CBL: variants seen among roughly 807,000 people sequenced by gnomAD.
CBL encodes Cbl proto-oncogene, also known as E3 ubiquitin-protein ligase CBL.
In CBL, 45 loss-of-function variants were observed where a neutral mutation model predicts 96.9. The ratio of observed to expected loss-of-function variants is 0.46; its 90% CI spans 0.37 to 0.60. CBL has a LOEUF of 0.60. CBL is among the 20% of genes least tolerant of loss of function. CBL has a pLI of 0.00. For missense variants in CBL, 1,024 were observed against 1,143.5 expected (o/e 0.90, Z 1.51); for synonymous variants, 420 against 426.8 (o/e 0.98, Z 0.20).
chr11:119,287,272 C>T (rs951905644), intron 11 of CBL, among the ~76,000 whole-genome samples: 6 of 152,202 alleles, frequency 3.9e-5, no homozygotes, highest in Admixed American at 2.0e-4. Context: ...ACGTGCACTG[C>T]ATGCGCGTAA....
rs751768529 is a variant in CBL at position 119,274,909 on chromosome 11, C to T, written c.825C>T (p.Asp275=). The change falls in exon 5 of 16, where the codon GAC becomes GAT. Residue 275 remains aspartate (D), a synonymous_variant. Coordinates refer to ENST00000264033, the MANE Select transcript of CBL (RefSeq NM_005188.4). ...GCTACATGGCTTTTTTGACGTATGA[C>T]GAAGTGAAAGCTCGGCTCCAGAAAT... The part of the protein sequence containing the change: ...HPGYMAFLTY[D]EVKARLQKFI... 1.2e-5 allele frequency: 20 copies of T among 1,613,902 alleles called. No individual in the cohort carries two copies. Among genetic ancestry groups the T allele is most frequent in the African/African-American group, 4.0e-5 (3 of 74,912 alleles).
At chr11:119,264,442 TTTCTC>T (rs1555228884) in intron 2 of CBL, among the ~76,000 whole-genome samples, 941 of 44,300 alleles carry the variant, frequency 0.021, 19 homozygotes, top group African/African-American at 0.038. Flanking sequence ...TCTTCTCTTC[TTTCTC>T]TTCTCTTCTC....
chr11:119,291,428 A>G (rs1950026254), intron 12 of CBL, among the ~76,000 whole-genome samples: 2 of 152,232 alleles, frequency 1.3e-5, no homozygotes, highest in South Asian at 4.1e-4. Context: ...TAAATAGGCC[A>G]GGTGTAGTGC....
At chr11:119,208,448 G>A (rs2135245973) in intron 1 of CBL, among the ~76,000 whole-genome samples, 1 of 151,386 alleles carries the variant, frequency 6.6e-6, no homozygotes, top group South Asian at 2.1e-4. Context: ...TGGAGTGCAT[G>A]GTGCGATCTC....
intron 9 of CBL, among the ~76,000 whole-genome samples, chr11:119,283,513 C>A (rs1949953894): frequency 6.6e-6 from 1 of 151,524 alleles, no homozygotes; most frequent in Non-Finnish European, 1.5e-5. Flanking sequence ...ATTCCTAAGC[C>A]TGCTATAGGC....
Position 119,297,497 on chromosome 11 carries a change from G to T in CBL, c.2251+16G>T, listed in dbSNP as rs757110378. ...AGCACCTTTGGTAAGTTGCCATTCT[G>T]CTACTTTAAAAATCATTGATATGTC... On this transcript the variant is annotated intron_variant, in intron 14 of 15. Coordinates refer to ENST00000264033, the MANE Select transcript of CBL (RefSeq NM_005188.4). The T allele has an allele frequency of 6.4e-7, 1 of 1,566,938 alleles. No individual in the cohort carries two copies. The highest frequency in any genetic ancestry group is 8.8e-7 in the Non-Finnish European group (1 of 1,138,654).
intron 2 of CBL, among the ~76,000 whole-genome samples, chr11:119,259,908 CACTT>C (rs1229819381): frequency 6.6e-6 from 1 of 152,160 alleles, no homozygotes; most frequent in Non-Finnish European, 1.5e-5. Context: ...GATTCTATCT[CACTT>C]ACCTCCACAC....
intron 2 of CBL, among the ~76,000 whole-genome samples, chr11:119,260,959 T>TTTTTA (rs57372947): frequency 6.7e-6 from 1 of 149,024 alleles, no homozygotes; most frequent in Non-Finnish European, 1.5e-5. Flanking sequence ...TTTTTTTTTT[T>TTTTTA]AATGGAGGCA....
chr11:119,234,414 G>A (rs1472399574), intron 2 of CBL, among the ~76,000 whole-genome samples: 1 of 152,134 alleles, frequency 6.6e-6, no homozygotes, highest in Non-Finnish European at 1.5e-5. Context: ...TTCAGATTTT[G>A]TAACTTTTGT....
chr11:119,264,450 CTCTTCTCTTCTCTTTTCT>C (rs1565868429), intron 2 of CBL, among the ~76,000 whole-genome samples: 137 of 121,518 alleles, frequency 1.1e-3, no homozygotes, highest in African/African-American at 3.6e-3. Context: ...TCTTTCTCTT[CTCTTCTCTTCTCTTTTCT>C]TCTTTTCTCT....
chr11:119,307,022 A>G lies in CBL; in HGVS notation c.*7241A>G, dbSNP rs1950148768. ...GCTGCATTTTAGGACTTAATATGGA[A>G]ATACCAGAGTCTGAGCTCCTCTACC... On this transcript the variant is annotated 3_prime_UTR_variant, in exon 16 of 16. Transcript: ENST00000264033. 1 of 229,390 alleles carries G rather than the reference A, an allele frequency of 4.4e-6. No homozygotes were observed. The highest frequency in any genetic ancestry group is 1.8e-4 in the South Asian group (1 of 5,486). 14.2% of individuals were successfully genotyped at this position (229,390 alleles called of 1,614,324 possible).
intron 2 of CBL, among the ~76,000 whole-genome samples, chr11:119,267,002 C>T (rs1017586712): frequency 6.6e-6 from 1 of 152,200 alleles, no homozygotes; most frequent in African/African-American, 2.4e-5. Flanking sequence ...CATGTAAACT[C>T]AAATGTCTGT....
intron 12 of CBL, among the ~76,000 whole-genome samples, chr11:119,292,484 A>G (rs1950034610): frequency 6.6e-6 from 1 of 150,376 alleles, no homozygotes. Flanking sequence ...GCAGTGGCGC[A>G]GTCTTGGCTC....
chr11:119,254,213 T>C (rs910697561), intron 2 of CBL, among the ~76,000 whole-genome samples: 4 of 152,192 alleles, frequency 2.6e-5, no homozygotes, highest in African/African-American at 9.7e-5. Flanking sequence ...CACTGAATTA[T>C]ACACTTAAAA....
At chr11:119,297,314 G>A (rs1237015818) in intron 13 of CBL, 70 bp from the exon 14 acceptor site, 3 of 1,227,628 alleles carry the variant, frequency 2.4e-6, no homozygotes, top group Non-Finnish European at 3.6e-6. Context: ...ACGAGAAGAT[G>A]AATCTTCATA....
chr11:119,232,374 C>CT, intron 1 of CBL, 74 bp from the exon 2 acceptor site: 1 of 1,533,478 alleles, frequency 6.5e-7, no homozygotes. Flanking sequence ...TATTTCATAA[C>CT]TTTCTTAAAC....
At chr11:119,209,941 G>A (rs1949303739) in intron 1 of CBL, among the ~76,000 whole-genome samples, 1 of 152,198 alleles carries the variant, frequency 6.6e-6, no homozygotes, top group Non-Finnish European at 1.5e-5. Context: ...GTTAGACAGA[G>A]CCACTGGTTT....
At chr11:119,227,611 T>A (rs560141838) in intron 1 of CBL, among the ~76,000 whole-genome samples, 1 of 152,030 alleles carries the variant, frequency 6.6e-6, no homozygotes, top group South Asian at 2.1e-4. Context: ...AGTGCAATGG[T>A]GCGATCTTGG....
chr11:119,228,231 C>G lies in CBL; in HGVS notation c.196-4217C>G, dbSNP rs909658118. 9.8e-5 allele frequency among the ~76,000 whole-genome samples: 15 copies of G among 152,342 alleles called. No individual in the cohort carries two copies. In the East Asian group the frequency reaches 2.9e-3, roughly 29 times the overall value. On this transcript the variant is annotated intron_variant, in intron 1 of 15. Transcript: ENST00000264033. ...CAAGCGGCCCTCCCACCTCAGCCTC[C>G]TGAGTGACTGGGACCACAGGTGCCC...
Sources: allele counts gnomAD v4.1 joint callset (sites outside exome capture counted in the v4.1 genomes callset), GRCh38; gene constraint gnomAD v4.1.1; transcripts MANE v1.5; gene names NCBI Gene and HGNC (gene_info 2026-07-23, HGNC 2026-07-21).